LGSN: variants seen among roughly 807,000 people sequenced by gnomAD.
LGSN encodes the protein lengsin, lens protein with glutamine synthetase domain.
LGSN carries 21 observed loss-of-function variants against 19.5 expected under a neutral mutation model. The observed-to-expected ratio is 1.07, with a 90% CI of 0.76 to 1.55. The LOEUF is 1.55. LGSN is among the 40% of genes most tolerant of loss of function. The pLI, the probability that LGSN is intolerant of heterozygous loss-of-function variation, is 0.00. For synonymous variants in LGSN, 257 were observed against 215.6 expected (o/e 1.19, Z -1.68); for missense variants, 673 against 608.5 (o/e 1.11, Z -1.12).
chr6:63,484,738 A>G, the LGSN span, among the ~76,000 whole-genome samples: 92 of 152,366 alleles, frequency 6.0e-4, no homozygotes, highest in African/African-American at 2.1e-3. Context: ...ACGCAAGAGA[A>G]TATACCCAAA....
At chr6:63,346,741 AG>A in the LGSN span, among the ~76,000 whole-genome samples, 2 of 152,056 alleles carry the variant, frequency 1.3e-5, no homozygotes, top group Non-Finnish European at 2.9e-5. Context: ...CTCTAACTCT[AG>A]GTAGATATTA....
At chr6:63,360,941 G>T in the LGSN span, among the ~76,000 whole-genome samples, 2 of 152,174 alleles carry the variant, frequency 1.3e-5, no homozygotes, top group African/African-American at 4.8e-5. Context: ...TGTTTGCCTG[G>T]GTATCAGCAG....
At chr6:63,307,586 CCAAT>C (rs1213627703) in intron 1 of LGSN, among the ~76,000 whole-genome samples, 1 of 152,174 alleles carries the variant, frequency 6.6e-6, no homozygotes, top group Non-Finnish European at 1.5e-5. Flanking sequence ...CCACTGTTTA[CCAAT>C]CAGTTTAGAA....
At chr6:63,475,018 G>A in the LGSN span, among the ~76,000 whole-genome samples, 1 of 151,956 alleles carries the variant, frequency 6.6e-6, no homozygotes, top group East Asian at 1.9e-4. Context: ...ATATGCAAAC[G>A]AAATGTGTCT....
the LGSN span, among the ~76,000 whole-genome samples, chr6:63,335,693 G>A: frequency 6.6e-6 from 1 of 151,884 alleles, no homozygotes; most frequent in South Asian, 2.1e-4. Flanking sequence ...GGAGAAAAAA[G>A]AACTCTTATA....
At chr6:63,289,310 A>T (rs1032872610) in intron 2 of LGSN, among the ~76,000 whole-genome samples, 10 of 152,202 alleles carry the variant, frequency 6.6e-5, no homozygotes, top group African/African-American at 2.4e-4. Context: ...TTCACCAAAT[A>T]TGAGAACGCT....
the LGSN span, among the ~76,000 whole-genome samples, chr6:63,497,174 G>A: frequency 6.6e-6 from 1 of 151,832 alleles, no homozygotes; most frequent in Admixed American, 6.6e-5. Context: ...ATGGGGTATT[G>A]TTATGTTGCA....
intron 1 of LGSN, among the ~76,000 whole-genome samples, chr6:63,302,310 T>A (rs1253584768): frequency 6.6e-6 from 1 of 152,188 alleles, no homozygotes; most frequent in Non-Finnish European, 1.5e-5. Flanking sequence ...TCTTTAACCA[T>A]AACCATTTTA....
At chr6:63,356,698 C>T in the LGSN span, among the ~76,000 whole-genome samples, 15 of 152,166 alleles carry the variant, frequency 9.9e-5, no homozygotes, top group African/African-American at 3.6e-4. Context: ...TTGTGCCATG[C>T]ATATACCTAG....
chr6:63,458,124 A>G, the LGSN span, among the ~76,000 whole-genome samples: 1 of 151,636 alleles, frequency 6.6e-6, no homozygotes, highest in Admixed American at 6.6e-5. Context: ...CTGGAGTGCA[A>G]TGGCACTATC....
the LGSN span, among the ~76,000 whole-genome samples, chr6:63,452,919 T>C: frequency 6.6e-6 from 1 of 150,484 alleles, no homozygotes; most frequent in Non-Finnish European, 1.5e-5. Flanking sequence ...TTTGAATATA[T>C]GCATTTAATG....
chr6:63,515,736 G>A, the LGSN span, among the ~76,000 whole-genome samples: 4 of 152,128 alleles, frequency 2.6e-5, no homozygotes, highest in African/African-American at 9.7e-5. Context: ...GAGCTAGGAA[G>A]AGAGAAGAAT....
the LGSN span, among the ~76,000 whole-genome samples, chr6:63,357,764 T>C: frequency 2.6e-5 from 4 of 152,250 alleles, no homozygotes; most frequent in African/African-American, 9.6e-5. Context: ...TGCGAAAATT[T>C]TCTCCCATAC....
chr6:63,461,194 G>C, the LGSN span, among the ~76,000 whole-genome samples: 1 of 152,134 alleles, frequency 6.6e-6, no homozygotes, highest in Non-Finnish European at 1.5e-5. Context: ...GCGATTACAA[G>C]CATGCACCAC....
At chr6:63,556,167 T>C in the LGSN span, among the ~76,000 whole-genome samples, 2 of 152,148 alleles carry the variant, frequency 1.3e-5, no homozygotes, top group Non-Finnish European at 2.9e-5. Context: ...TTTTAAAAAA[T>C]TTTTTACTGT....
At chr6:63,443,166 C>A in the LGSN span, among the ~76,000 whole-genome samples, 1 of 152,220 alleles carries the variant, frequency 6.6e-6, no homozygotes, top group East Asian at 1.9e-4. Context: ...CCCGGTGCCC[C>A]CTCCACAGCT....
chr6:63,401,790 C>CT, the LGSN span, among the ~76,000 whole-genome samples: 1 of 152,170 alleles, frequency 6.6e-6, no homozygotes, highest in Non-Finnish European at 1.5e-5. Flanking sequence ...GTTATGATGA[C>CT]AGGGCAAAAG....
intron 2 of LGSN, among the ~76,000 whole-genome samples, chr6:63,287,431 C>T (rs1027112909): frequency 9.2e-5 from 14 of 152,142 alleles, no homozygotes; most frequent in Admixed American, 1.3e-4. Flanking sequence ...TGGTGGCTCA[C>T]TCCTGTAATA....
At chr6:63,295,311 C>G (rs1208583938) in intron 1 of LGSN, among the ~76,000 whole-genome samples, 1 of 152,088 alleles carries the variant, frequency 6.6e-6, no homozygotes, top group South Asian at 2.1e-4. Flanking sequence ...TGTCTAATTA[C>G]TCAAGATTTC....
Sources: allele counts gnomAD v4.1 joint callset (sites outside exome capture counted in the v4.1 genomes callset), GRCh38; gene constraint gnomAD v4.1.1; transcripts MANE v1.5; gene names NCBI Gene and HGNC (gene_info 2026-07-23, HGNC 2026-07-21).